The following LAMB4 variants were observed in gnomAD, a reference collection of about 807,000 sequenced individuals.
LAMB4 encodes laminin subunit beta 4.
Under a neutral mutation model 199.2 loss-of-function variants are expected in LAMB4, and 196 were observed. The observed-to-expected ratio is 0.98, with a 90% confidence interval of 0.88 to 1.11. The LOEUF (loss-of-function observed/expected upper bound fraction) is 1.11, where lower values mean the gene tolerates loss of function less well. LAMB4 is among the 50% of genes least tolerant of loss of function. LAMB4 has a pLI of 0.00. For synonymous variants in LAMB4, 744 were observed against 770.6 expected, an observed-to-expected ratio of 0.97 and a Z score of 0.57; for missense variants, 2,080 against 2,171.2, an observed-to-expected ratio of 0.96 and a Z score of 0.83.
chr7:108,013,308 G>A, the LAMB4 span, among the ~76,000 whole-genome samples: 1 of 152,102 alleles, frequency 6.6e-6, no homozygotes, highest in African/African-American at 2.4e-5. Context: ...GTGCTTTCTG[G>A]GGAGAAATCA....
intron 31 of LAMB4, among the ~76,000 whole-genome samples, chr7:108,032,420 G>A (rs1157384296): frequency 1.3e-5 from 2 of 151,922 alleles, no homozygotes; most frequent in Non-Finnish European, 2.9e-5. Flanking sequence ...TCTTTAAAAA[G>A]GCAATTTGTT....
chr7:108,034,208 C>G lies in LAMB4; in HGVS notation c.4818G>C (p.Gln1606His), dbSNP rs769228142. Residue 1606 changes from glutamine to histidine, a missense_variant and splice_region_variant, in exon 31 of 34, where the codon CAG (glutamine) becomes CAC (histidine). By Grantham distance (24) the Gln-to-His change is conservative. Transcript: ENST00000388781. ...NITKIKKNVLQAENQTREMKS... is the reference protein window; with the variant it reads ...NITKIKKNVLHAENQTREMKS... ...GGTTAGTTTCAAAGAAGACAAATAC[C>G]TGCAGCACATTCTTTTTTATTTTTG... 4.2e-5 allele frequency: 67 copies of G among 1,613,818 alleles called. 1 individual carries two copies. The highest frequency in any genetic ancestry group is 5.3e-5 in the Non-Finnish European group (62 of 1,179,934).
chr7:108,110,277 T>C (rs1459477362), intron 4 of LAMB4, among the ~76,000 whole-genome samples: 1 of 152,166 alleles, frequency 6.6e-6, no homozygotes, highest in Non-Finnish European at 1.5e-5. Flanking sequence ...GATCTGCCTA[T>C]CTTGGCCTCC....
chr7:108,033,320 T>C (rs1563031553), intron 31 of LAMB4, among the ~76,000 whole-genome samples: 1 of 152,230 alleles, frequency 6.6e-6, no homozygotes, highest in East Asian at 1.9e-4. Flanking sequence ...GGGGAAATCC[T>C]GGGGCCTTCC....
In LAMB4 at chr7:108,109,158, T is replaced by C. The variant is rs1282582658; in HGVS notation, c.402+13A>G. ...ATAGATAAAAGAGGGGCAGCAGGCC[T>C]ATTAGTCTGTACCTTAAAGGTCAGG... On this transcript the variant is annotated intron_variant, in intron 5 of 33. Coordinates refer to ENST00000388781, the MANE Select transcript of LAMB4 (RefSeq NM_007356.3). 6.3e-7 allele frequency: 1 copy of C among 1,585,236 alleles called. No homozygotes were observed. The highest frequency in any genetic ancestry group is 1.3e-5 in the African/African-American group (1 of 74,396).
At chr7:108,088,164 ATCT>A (rs947825341) in intron 14 of LAMB4, among the ~76,000 whole-genome samples, 6 of 135,922 alleles carry the variant, frequency 4.4e-5, no homozygotes, top group African/African-American at 1.6e-4. Flanking sequence ...TGTTGCTAAA[ATCT>A]TTTTTTTTTT....
At chr7:108,122,444 T>A (rs1475521343) in intron 2 of LAMB4, among the ~76,000 whole-genome samples, 1 of 152,172 alleles carries the variant, frequency 6.6e-6, no homozygotes, top group African/African-American at 2.4e-5. Context: ...CCATCTGGAC[T>A]ATTACCAGCA....
chr7:108,058,696 C>T (rs1344638714), intron 23 of LAMB4, among the ~76,000 whole-genome samples: 1 of 152,118 alleles, frequency 6.6e-6, no homozygotes, highest in Non-Finnish European at 1.5e-5. Flanking sequence ...CGCTCTGTTG[C>T]CCAGGCTGTA....
intron 30 of LAMB4, among the ~76,000 whole-genome samples, chr7:108,035,528 T>TTCTC (rs1275611074): frequency 8.2e-6 from 1 of 122,454 alleles, no homozygotes; most frequent in African/African-American, 3.2e-5. Flanking sequence ...GATGACAGAA[T>TTCTC]GAGACCCTGT....
intron 17 of LAMB4, among the ~76,000 whole-genome samples, chr7:108,070,110 T>C (rs1361861441): frequency 2.0e-5 from 3 of 152,218 alleles, no homozygotes; most frequent in African/African-American, 7.2e-5. Context: ...AGCCTTTATC[T>C]TTCTACTATC....
At position 108,068,165 on chromosome 7, in the gene LAMB4, A is replaced by G. The variant is rs772527254; in HGVS notation, c.2303-6T>C. The G allele has an allele frequency of 1.4e-5, 22 of 1,614,060 alleles. No individual in the cohort carries two copies. The South Asian group carries it at 2.3e-4, about 17-fold the overall frequency. ...CTGGGGGTGACACTTGCAGGCTGCAAGGAACAATGGAAGGGAGGTAGAAAT... is the reference window on the plus strand; with the variant it reads ...CTGGGGGTGACACTTGCAGGCTGCAGGGAACAATGGAAGGGAGGTAGAAAT... On this transcript the variant is annotated splice_region_variant and splice_polypyrimidine_tract_variant and intron_variant, in intron 18 of 33. Coordinates refer to ENST00000388781, the MANE Select transcript of LAMB4 (RefSeq NM_007356.3).
chr7:108,104,619 C>G lies in LAMB4; in HGVS notation c.871G>C (p.Val291Leu), dbSNP rs772448404. 3 of 1,613,754 alleles carry G rather than the reference C, an allele frequency of 1.9e-6. No individual in the cohort carries two copies. Among genetic ancestry groups the G allele is most frequent in the Non-Finnish European group, 2.5e-6 (3 of 1,179,902 alleles). The change falls in exon 9 of 34, where the codon GTT (valine) becomes CTT (leucine). Residue 291 changes from valine to leucine, a missense_variant and splice_region_variant. Physicochemically the swap from Val to Leu is conservative, Grantham distance 32 (BLOSUM62 1). Transcript: ENST00000388781. ...RGDVFSPPGM[V>L]HGQCVCQHNT... ...TGCTGACACACACACTGACCGTGAA[C>G]CTGCATTGTGCAATAAATAGAGCGT...
intron 3 of LAMB4, among the ~76,000 whole-genome samples, chr7:108,112,886 T>C (rs1416741922): frequency 6.6e-6 from 1 of 152,224 alleles, no homozygotes; most frequent in Non-Finnish European, 1.5e-5. Flanking sequence ...TGCTTGTATG[T>C]CCTAGCCATG....
intron 10 of LAMB4, among the ~76,000 whole-genome samples, chr7:108,102,699 C>A (rs1220304720): frequency 6.6e-6 from 1 of 152,142 alleles, no homozygotes; most frequent in Non-Finnish European, 1.5e-5. Context: ...TTAGCTTATG[C>A]ATCTTAACAG....
At chr7:108,104,465 A>G in intron 9 of LAMB4, 34 bp downstream of exon 9, 1 of 1,613,094 alleles carries the variant, frequency 6.2e-7, no homozygotes, top group Non-Finnish European at 8.5e-7. Flanking sequence ...TGCAGAGCAC[A>G]CTCAGTCTAT....
intron 30 of LAMB4, among the ~76,000 whole-genome samples, chr7:108,034,614 G>A (rs2035160661): frequency 6.6e-6 from 1 of 152,142 alleles, no homozygotes; most frequent in African/African-American, 2.4e-5. Flanking sequence ...CAGGTTTGGG[G>A]TGATATAACT....
rs1338545845 is a variant in LAMB4 at position 108,069,764 on chromosome 7, C to G, written c.2246G>C (p.Gly749Ala). 1 of 1,613,864 alleles carries G rather than the reference C, an allele frequency of 6.2e-7. No individual in the cohort carries two copies. The highest frequency in any genetic ancestry group is 8.5e-7 in the Non-Finnish European group (1 of 1,179,890). Reference sequence around the variant, plus strand: ...GCTGATGATCAGCCTTTCACAGGCACCCGGGAGCACTTGAGGTCCCATTGC... The same window carrying G: ...GCTGATGATCAGCCTTTCACAGGCAGCCGGGAGCACTTGAGGTCCCATTGC... Reference protein sequence around the residue: ...ASAMGPQVLPGACERLIISMS... With the variant: ...ASAMGPQVLPAACERLIISMS... The change falls in exon 18 of 34, where the codon GGT (glycine) becomes GCT (alanine). Residue 749 changes from glycine to alanine, a missense_variant. Coordinates refer to ENST00000388781, the MANE Select transcript of LAMB4 (RefSeq NM_007356.3).
chr7:108,093,838 AG>A (rs1276897414), intron 12 of LAMB4, among the ~76,000 whole-genome samples: 1 of 152,242 alleles, frequency 6.6e-6, no homozygotes, highest in Non-Finnish European at 1.5e-5. Flanking sequence ...TTACTCAAAA[AG>A]GTGTCTTTTA....
intron 18 of LAMB4, 96 bp downstream of exon 18, chr7:108,069,612 G>T: frequency 2.6e-6 from 3 of 1,156,200 alleles, no homozygotes; most frequent in Non-Finnish European, 3.7e-6. Context: ...TATTTTGGTT[G>T]TTGTTTGGAG....
Sources: gnomAD v4.1 joint callset for allele counts (sites outside exome capture counted in the v4.1 genomes callset) on GRCh38, gnomAD v4.1.1 for gene constraint, MANE v1.5 for transcripts, NCBI Gene and HGNC (gene_info 2026-07-23, HGNC 2026-07-21) for gene names.